The following TRPM5 variants were observed in gnomAD, a reference collection of about 807,000 sequenced individuals.
The protein encoded by TRPM5 is MLSN1 and TRP-related.
A neutral mutation model predicts 124.9 loss-of-function variants in TRPM5; 121 were observed. The ratio of observed to expected loss-of-function variants is 0.97; its 90% CI spans 0.84 to 1.13. TRPM5 has a LOEUF of 1.13. Among genes scored for constraint, TRPM5 ranks in the 50% most tolerant of loss-of-function variants. TRPM5 has a pLI of 0.00. For synonymous variants in TRPM5, 781 were observed against 700.5 expected (o/e 1.11, Z -1.81); for missense variants, 1,643 against 1,589.1 (o/e 1.03, Z -0.58).
intron 4 of TRPM5, among the ~76,000 whole-genome samples, chr11:2,419,792 A>G (rs1845740998): frequency 6.6e-6 from 1 of 152,204 alleles, no homozygotes; most frequent in Non-Finnish European, 1.5e-5. Context: ...TGAACGTGCG[A>G]CTGGCCAGAG....
chr11:2,405,579 C>G, exon 23 of TRPM5: 1 of 1,564,146 alleles, frequency 6.4e-7, no homozygotes, highest in Non-Finnish European at 8.7e-7. Context: ...ACACGAGCAC[C>G]GAGCAGTAGT....
the TRPM5 span, among the ~76,000 whole-genome samples, chr11:2,434,303 CTG>C: frequency 5.2e-3 from 762 of 147,454 alleles, 6 homozygotes; most frequent in African/African-American, 0.018. Flanking sequence ...TGTGGCTGCA[CTG>C]TGTGTGTGTG....
chr11:2,414,434 C>A (rs112206951), intron 11 of TRPM5, among the ~76,000 whole-genome samples: 1 of 152,228 alleles, frequency 6.6e-6, no homozygotes, highest in African/African-American at 2.4e-5. Context: ...GGAACCTCTG[C>A]CACGCTAAAT....
At chr11:2,428,675 C>T in the TRPM5 span, among the ~76,000 whole-genome samples, 4 of 146,930 alleles carry the variant, frequency 2.7e-5, no homozygotes, top group Non-Finnish European at 4.5e-5. The surrounding 1 kb of genome is among the most constrained non-coding windows in gnomAD (Gnocchi z 4.0). Flanking sequence ...GGAATGATGA[C>T]GAAGATGATG....
chr11:2,410,640 T>C (rs1251518531), intron 18 of TRPM5: 1 of 450,318 alleles, frequency 2.2e-6, no homozygotes, highest in Non-Finnish European at 4.5e-6. Context: ...GAGGCCCCCA[T>C]GGCCAAGCGG....
chr11:2,415,592 C>G, intron 8 of TRPM5, 121 bp from the exon 14 acceptor site: 1 of 722,220 alleles, frequency 1.4e-6, no homozygotes, highest in Admixed American at 2.9e-5. Flanking sequence ...CCAGGTCACG[C>G]AGACCCTCTC....
the TRPM5 span, among the ~76,000 whole-genome samples, chr11:2,440,596 G>T: frequency 4.8e-3 from 723 of 152,152 alleles, 4 homozygotes; most frequent in African/African-American, 0.016. This position sits in a 1 kb window ranked among gnomAD's most constrained non-coding sequence, Gnocchi z 5.2. Flanking sequence ...GACGCCCCTG[G>T]GACCCTTGCT....
chr11:2,437,794 A>G, the TRPM5 span, among the ~76,000 whole-genome samples: 2 of 152,094 alleles, frequency 1.3e-5, no homozygotes, highest in African/African-American at 4.8e-5. This position sits in a 1 kb window ranked among gnomAD's most constrained non-coding sequence, Gnocchi z 5.6. Context: ...ACCTGCTGGT[A>G]GGGGTGGGTC....
chr11:2,405,925 CT>C, intron 22 of TRPM5, 93 bp downstream of exon 27: 1 of 1,195,884 alleles, frequency 8.4e-7, no homozygotes, highest in Non-Finnish European at 1.2e-6. Context: ...TGCCTCATCT[CT>C]GTGAGTGACC....
intron 18 of TRPM5, among the ~76,000 whole-genome samples, chr11:2,409,869 AG>A (rs751136388): frequency 4.4e-4 from 67 of 152,294 alleles, no homozygotes; most frequent in Non-Finnish European, 8.4e-4. Flanking sequence ...CACTCGGAGC[AG>A]GGGCCCCTCG....
At chr11:2,408,832 G>C (rs1850380514) in intron 18 of TRPM5, among the ~76,000 whole-genome samples, 1 of 152,212 alleles carries the variant, frequency 6.6e-6, no homozygotes, top group Non-Finnish European at 1.5e-5. Context: ...TGGGAGCTCC[G>C]CTCTCTCCTC....
At chr11:2,444,135 C>T in the TRPM5 span, among the ~76,000 whole-genome samples, 2 of 152,110 alleles carry the variant, frequency 1.3e-5, no homozygotes, top group African/African-American at 4.8e-5. Context: ...TCCCCACCCA[C>T]ACAGCTCCCA....
upstream of TRPM5, among the ~76,000 whole-genome samples, chr11:2,423,542 G>A (rs974791655): frequency 6.6e-6 from 1 of 152,152 alleles, no homozygotes; most frequent in Non-Finnish European, 1.5e-5. Flanking sequence ...GGTGCCCTCA[G>A]CTCAAGTGCA....
At chr11:2,406,756 G>A in exon 21 of TRPM5, 1 of 1,613,492 alleles carries the variant, frequency 6.2e-7, no homozygotes. Flanking sequence ...TCTCCCAGGT[G>A]ACGACCTTCT....
intron 12 of TRPM5, 75 bp from the exon 18 acceptor site, chr11:2,413,663 TC>T: frequency 7.2e-7 from 1 of 1,389,762 alleles, no homozygotes; most frequent in Non-Finnish European, 1.0e-6. Flanking sequence ...GGAATGCCCT[TC>T]CCCCAGGTGC....
intron 12 of TRPM5, 45 bp downstream of exon 17, chr11:2,414,016 C>CCCCCCCCCCCCCCCCCCCGG: frequency 7.9e-7 from 1 of 1,259,554 alleles, no homozygotes; most frequent in Non-Finnish European, 1.1e-6. Context: ...CTCGCCCGCC[C>CCCCCCCCCCCCCCCCCCCGG]ACCCCACCCC....
At chr11:2,441,471 C>T in the TRPM5 span, among the ~76,000 whole-genome samples, 59 of 152,126 alleles carry the variant, frequency 3.9e-4, no homozygotes, top group Middle Eastern at 3.4e-3. This position sits in a 1 kb window ranked among gnomAD's most constrained non-coding sequence, Gnocchi z 7.2. Flanking sequence ...ACCTCACCTG[C>T]GCACCTGGCC....
At chr11:2,418,490 G>A in intron 5 of TRPM5, 37 bp downstream of exon 10, 2 of 1,593,562 alleles carry the variant, frequency 1.3e-6, no homozygotes, top group Admixed American at 1.7e-5. Flanking sequence ...CCTCCACAAG[G>A]CTTCGGCCAG....
intron 1 of TRPM5, 64 bp downstream of exon 6, chr11:2,422,856 A>G: frequency 7.0e-7 from 1 of 1,431,230 alleles, no homozygotes; most frequent in Non-Finnish European, 9.9e-7. Flanking sequence ...CCAGGGAAGG[A>G]AATGGGGCCT....
Sources: allele counts gnomAD v4.1 joint callset (sites outside exome capture counted in the v4.1 genomes callset), GRCh38; gene constraint gnomAD v4.1.1; non-coding constraint Gnocchi (gnomAD v3.1); transcripts MANE v1.5; gene names NCBI Gene and HGNC (gene_info 2026-07-23, HGNC 2026-07-21).